Variants in RALGPS1 observed in about 807,000 individuals in gnomAD.
RALGPS1 encodes the protein Ral GEF with PH domain and SH3 binding motif 1.
Under a neutral mutation model 78.8 loss-of-function variants are expected in RALGPS1, and 19 were observed. The ratio of observed to expected loss-of-function variants is 0.24; its 90% CI spans 0.17 to 0.35. The LOEUF (loss-of-function observed/expected upper bound fraction) is 0.35. RALGPS1 is among the 10% of genes least tolerant of loss of function. RALGPS1 has a pLI of 1.00. For missense variants in RALGPS1, 454 were observed against 688.3 expected (o/e 0.66, Z 3.81); for synonymous variants, 228 against 256.3 (o/e 0.89, Z 1.06).
rs547844573 is a variant in RALGPS1 at position 127,078,514 on chromosome 9, C to T, written c.610+9158C>T. ...ACCCAGCCTTAACTTACGCATCCTC[C>T]TTTTAATATCTCCGTCTCCATGGAA... On this transcript the variant is annotated intron_variant, in intron 8 of 18. Coordinates refer to ENST00000259351, the MANE Select transcript of RALGPS1 (RefSeq NM_014636.3). 5.3e-5 allele frequency among the ~76,000 whole-genome samples: 8 copies of T among 152,320 alleles called. No individual in the cohort carries two copies. In the East Asian group the frequency reaches 1.5e-3, roughly 29 times the overall value.
At chr9:127,150,497 C>A (rs557475771) in intron 8 of RALGPS1, among the ~76,000 whole-genome samples, 1 of 152,334 alleles carries the variant, frequency 6.6e-6, no homozygotes, top group East Asian at 1.9e-4. Flanking sequence ...CTTTACCACC[C>A]CCCTCACCCC....
intron 8 of RALGPS1, among the ~76,000 whole-genome samples, chr9:127,110,733 C>G (rs1390689005): frequency 2.0e-5 from 3 of 152,074 alleles, no homozygotes; most frequent in Non-Finnish European, 4.4e-5. Context: ...TGAAGTCATC[C>G]TAGACGCCTT....
At chr9:127,186,313 C>T (rs1177779146) in intron 11 of RALGPS1, among the ~76,000 whole-genome samples, 1 of 152,172 alleles carries the variant, frequency 6.6e-6, no homozygotes, top group African/African-American at 2.4e-5. Flanking sequence ...TGGAGCAATC[C>T]TCTGAGATAG....
intron 4 of RALGPS1, among the ~76,000 whole-genome samples, chr9:126,992,340 C>G (rs902306150): frequency 6.6e-6 from 1 of 152,156 alleles, no homozygotes; most frequent in East Asian, 1.9e-4. Flanking sequence ...AAAACCATCA[C>G]CATCTCAATA....
intron 1 of RALGPS1, among the ~76,000 whole-genome samples, chr9:126,946,752 A>G (rs1290647311): frequency 6.6e-6 from 1 of 150,700 alleles, no homozygotes; most frequent in East Asian, 2.0e-4. Flanking sequence ...TCATTTCTTC[A>G]CTCTCCCTTT....
chr9:127,072,280 T>C (rs2050274861), intron 8 of RALGPS1, among the ~76,000 whole-genome samples: 1 of 152,248 alleles, frequency 6.6e-6, no homozygotes, highest in African/African-American at 2.4e-5. Context: ...TAGCATGATC[T>C]TGGCTCACTG....
chr9:127,088,295 T>C (rs1201911372), intron 8 of RALGPS1: 3 of 152,206 alleles, frequency 2.0e-5, no homozygotes, highest in African/African-American at 7.2e-5. Context: ...AAAGGGGTTC[T>C]TAAGAAGCTG....
intron 8 of RALGPS1, among the ~76,000 whole-genome samples, chr9:127,094,129 T>C (rs2052832123): frequency 6.6e-6 from 1 of 152,122 alleles, no homozygotes; most frequent in East Asian, 1.9e-4. Flanking sequence ...AGGATGCCCA[T>C]ACTCCAAGCT....
Position 127,175,457 on chromosome 9 carries a change from G to C in RALGPS1, c.910+675G>C, listed in dbSNP as rs2059806823. 3.9e-5 allele frequency among the ~76,000 whole-genome samples: 6 copies of C among 152,258 alleles called. No homozygotes were observed. The South Asian group carries it at 1.2e-3, about 32-fold the overall frequency. ...TGTGAAAGTGTGCTCAGTGTTGGCT[G>C]CTTCATCGTTATTATTTAATGGTTA... On this transcript the variant is annotated intron_variant, in intron 11 of 18. Transcript: ENST00000259351.
chr9:127,057,052 T>C (rs144510413), intron 7 of RALGPS1, among the ~76,000 whole-genome samples: 5 of 152,144 alleles, frequency 3.3e-5, no homozygotes, highest in African/African-American at 1.2e-4. Flanking sequence ...TTTGAAGAGA[T>C]AGAATGACTT....
At chr9:127,055,157 T>C (rs954770657) in intron 7 of RALGPS1, among the ~76,000 whole-genome samples, 3 of 152,194 alleles carry the variant, frequency 2.0e-5, no homozygotes, top group Admixed American at 6.5e-5. Flanking sequence ...CTCACACATA[T>C]GCCAAGATAA....
intron 8 of RALGPS1, among the ~76,000 whole-genome samples, chr9:127,149,437 TG>T (rs2058293480): frequency 1.3e-5 from 2 of 152,198 alleles, no homozygotes; most frequent in Non-Finnish European, 2.9e-5. Context: ...CTCGGCACCA[TG>T]AGCCTGTTCA....
rs544224532 is a variant in RALGPS1 at position 127,094,931 on chromosome 9, A to G, written c.610+25575A>G. Among the ~76,000 whole-genome samples the G allele has an allele frequency of 4.6e-5, 7 of 152,194 alleles. No homozygotes were observed. In the East Asian group the frequency reaches 1.4e-3, roughly 29 times the overall value. The stretch of plus-strand genomic sequence containing the variant: ...CTCTGCCCTCCCCAGGCAGTTTCTT[A>G]TGTTCCATTGTTGGTCACATCAGCA... On this transcript the variant is annotated intron_variant, in intron 8 of 18. Coordinates refer to ENST00000259351, the MANE Select transcript of RALGPS1 (RefSeq NM_014636.3).
chr9:126,925,818 G>T (rs569736565), intron 1 of RALGPS1, among the ~76,000 whole-genome samples: 1 of 152,318 alleles, frequency 6.6e-6, no homozygotes, highest in South Asian at 2.1e-4. Context: ...ACCAGAGGAA[G>T]GGGCCTTTAA....
intron 8 of RALGPS1, among the ~76,000 whole-genome samples, chr9:127,161,753 C>CA (rs2059032491): frequency 6.6e-6 from 1 of 152,200 alleles, no homozygotes; most frequent in African/African-American, 2.4e-5. Flanking sequence ...CACTGGCTGC[C>CA]ATACACCAGA....
At chr9:127,011,849 C>T (rs1039470977) in intron 4 of RALGPS1, among the ~76,000 whole-genome samples, 1 of 152,210 alleles carries the variant, frequency 6.6e-6, no homozygotes, top group South Asian at 2.1e-4. Flanking sequence ...GTCCTGGCAG[C>T]CCCTGCCTGC....
At chr9:127,194,187 C>A (rs1278748689) in intron 11 of RALGPS1, among the ~76,000 whole-genome samples, 1 of 152,218 alleles carries the variant, frequency 6.6e-6, no homozygotes, top group Admixed American at 6.5e-5. Flanking sequence ...GGACTTCTGA[C>A]CACCTGCAAG....
intron 4 of RALGPS1, among the ~76,000 whole-genome samples, chr9:127,022,896 T>C (rs1356771785): frequency 1.3e-5 from 2 of 152,226 alleles, no homozygotes; most frequent in East Asian, 3.8e-4. Context: ...TCTTTAGAAA[T>C]CTCTCTTCTC....
intron 4 of RALGPS1, among the ~76,000 whole-genome samples, chr9:126,980,671 C>G (rs760359372): frequency 6.6e-6 from 1 of 152,000 alleles, no homozygotes; most frequent in Non-Finnish European, 1.5e-5. Context: ...TTTTTTCTTG[C>G]GTAGTTACTA....
Sources: gnomAD v4.1 joint callset for allele counts (sites outside exome capture counted in the v4.1 genomes callset) on GRCh38, gnomAD v4.1.1 for gene constraint, MANE v1.5 for transcripts, NCBI Gene and HGNC (gene_info 2026-07-23, HGNC 2026-07-21) for gene names.